The following SLC49A4 variants were observed in gnomAD, a reference collection of about 807,000 sequenced individuals.
SLC49A4 encodes disrupted in renal cancer protein 2.
SLC49A4 carries 36 observed loss-of-function variants against 50.6 expected under a neutral mutation model. The ratio of observed to expected loss-of-function variants is 0.71; its 90% CI spans 0.55 to 0.94. The LOEUF (loss-of-function observed/expected upper bound fraction) is 0.94, where lower values mean the gene tolerates loss of function less well. Among genes scored for constraint, SLC49A4 ranks in the 40% least tolerant of loss-of-function variants. The pLI, the probability that SLC49A4 is intolerant of heterozygous loss-of-function variation, is 0.00. For missense variants in SLC49A4, 503 were observed against 605.7 expected (o/e 0.83, Z 1.78); for synonymous variants, 248 against 241.2 (o/e 1.03, Z -0.26).
intron 5 of SLC49A4, among the ~76,000 whole-genome samples, chr3:122,853,140 T>C (rs1207897470): frequency 1.3e-5 from 2 of 152,214 alleles, no homozygotes; most frequent in African/African-American, 2.4e-5. Flanking sequence ...CATTTATATC[T>C]GGCGAGGGCT....
Position 122,872,344 on chromosome 3 carries a change from A to AC in SLC49A4, c.1139-67dup, listed in dbSNP as rs1200895439. 5 of 1,286,902 alleles carry AC rather than the reference A, an allele frequency of 3.9e-6. No individual in the cohort carries two copies. The East Asian group carries it at 1.2e-4, about 31-fold the overall frequency. 79.7% of individuals were successfully genotyped at this position (1,286,902 alleles called of 1,614,324 possible). A position where few individuals can be genotyped will look rare whatever the true frequency, so the allele number is the denominator to read the frequency against. On this transcript the variant is annotated intron_variant, in intron 7 of 8. Transcript: ENST00000261038. The stretch of plus-strand genomic sequence containing the variant: ...TGAGTCAATACTTAGGAAAGAGAAC[A>AC]CCCCGAAGATCTATCTGATATGACT...
At chr3:122,827,631 A>G (rs977409854) in intron 3 of SLC49A4, among the ~76,000 whole-genome samples, 3 of 152,216 alleles carry the variant, frequency 2.0e-5, no homozygotes, top group Non-Finnish European at 4.4e-5. Flanking sequence ...CTCTTATAGT[A>G]TAGTCTCCTA....
At chr3:122,853,673 T>C (rs888865273) in intron 5 of SLC49A4, among the ~76,000 whole-genome samples, 1 of 152,154 alleles carries the variant, frequency 6.6e-6, no homozygotes, top group Non-Finnish European at 1.5e-5. Context: ...GATGAGAGGA[T>C]CACTTGAGCC....
chr3:122,862,631 G>T lies in SLC49A4; in HGVS notation c.1138+2429G>T, dbSNP rs537042869. Among the ~76,000 whole-genome samples, 12 of 152,306 alleles carry T rather than the reference G, an allele frequency of 7.9e-5. No individual in the cohort carries two copies. In the South Asian group the frequency reaches 2.5e-3, roughly 32 times the overall value. On this transcript the variant is annotated intron_variant, in intron 7 of 8. Transcript: ENST00000261038. ...CTTCTTATTCATGGCATTACATTCAGATTTTTTGTGTGTGATACTGTATGT... is the reference window on the plus strand; with the variant it reads ...CTTCTTATTCATGGCATTACATTCATATTTTTTGTGTGTGATACTGTATGT...
intron 4 of SLC49A4, among the ~76,000 whole-genome samples, chr3:122,843,313 T>C (rs56318711): frequency 0.012 from 1,823 of 152,308 alleles, 27 homozygotes; most frequent in African/African-American, 0.041. Flanking sequence ...TCAGTGAGTT[T>C]ACAACCAGTC....
chr3:122,877,455 A>G (rs1435668362), intron 8 of SLC49A4, among the ~76,000 whole-genome samples: 1 of 152,222 alleles, frequency 6.6e-6, no homozygotes, highest in Admixed American at 6.5e-5. Context: ...AAATGATTTT[A>G]CAATTCTAAT....
At chr3:122,823,833 A>T (rs1052373297) in intron 2 of SLC49A4, among the ~76,000 whole-genome samples, 4 of 152,200 alleles carry the variant, frequency 2.6e-5, no homozygotes, top group Non-Finnish European at 5.9e-5. Flanking sequence ...TCGTAAAATG[A>T]TGTTTGTTAA....
chr3:122,863,568 T>C (rs990748410), intron 7 of SLC49A4, among the ~76,000 whole-genome samples: 1 of 152,232 alleles, frequency 6.6e-6, no homozygotes, highest in African/African-American at 2.4e-5. Context: ...ACCTAATTCC[T>C]TTTAAGTAAA....
intron 1 of SLC49A4, among the ~76,000 whole-genome samples, chr3:122,803,193 A>G (rs1398222075): frequency 1.3e-5 from 2 of 152,184 alleles, no homozygotes; most frequent in Non-Finnish European, 2.9e-5. Flanking sequence ...CCTTAAAAGC[A>G]TGGAGAGAAA....
chr3:122,808,427 G>C (rs1025186686), intron 2 of SLC49A4, among the ~76,000 whole-genome samples: 1 of 152,184 alleles, frequency 6.6e-6, no homozygotes, highest in Admixed American at 6.5e-5. Flanking sequence ...CCTGACAGAA[G>C]TAATGGATGA....
At position 122,868,437 on chromosome 3, in the gene SLC49A4, A is replaced by G. The variant is rs190195263; in HGVS notation, c.1139-3978A>G. ...GTAATTTTAGTATCAGTATTATACA[A>G]AGTTATGGAAATACTTAATGATCAT... is the stretch of plus-strand genomic sequence containing the variant. On this transcript the variant is annotated intron_variant, in intron 7 of 8. Transcript: ENST00000261038. Among the ~76,000 whole-genome samples, 3 of 152,350 alleles carry G rather than the reference A, an allele frequency of 2.0e-5. No homozygotes were observed. The East Asian group carries it at 5.8e-4, about 29-fold the overall frequency.
chr3:122,879,010 C>T (rs1484498672), intron 8 of SLC49A4, among the ~76,000 whole-genome samples: 2 of 151,912 alleles, frequency 1.3e-5, no homozygotes, highest in Admixed American at 6.6e-5. Flanking sequence ...TAACCAAAGT[C>T]AAGGTGGATT....
chr3:122,873,545 CT>C (rs1937222095), intron 8 of SLC49A4, among the ~76,000 whole-genome samples: 1 of 152,194 alleles, frequency 6.6e-6, no homozygotes, highest in Non-Finnish European at 1.5e-5. Context: ...TGGCATAGCA[CT>C]TTCACCCAAC....
chr3:122,869,395 A>G (rs535159209), intron 7 of SLC49A4, among the ~76,000 whole-genome samples: 1 of 152,212 alleles, frequency 6.6e-6, no homozygotes, highest in Admixed American at 6.5e-5. Context: ...ATATTATTAT[A>G]ATACATACAG....
At chr3:122,856,032 C>A (rs1936985027) in intron 5 of SLC49A4, among the ~76,000 whole-genome samples, 1 of 152,122 alleles carries the variant, frequency 6.6e-6, no homozygotes, top group Admixed American at 6.5e-5. Context: ...TATCTTCCAT[C>A]CTTTTCTTAT....
chr3:122,806,881 C>A lies in SLC49A4; in HGVS notation c.368C>A (p.Thr123Lys). The change falls in exon 2 of 9, where the codon ACA becomes AAA. Residue 123 changes from threonine (T) to lysine (K), a missense_variant. Physicochemically the swap from Thr to Lys is moderately conservative, Grantham distance 78. Transcript: ENST00000261038. ...GGTCTCCGGATAACTGTGCTCCTGA[C>A]ATCCTTCCTTATGGTTTTGGGAACT... ...KRGLRITVLLTSFLMVLGTGL... is the reference protein window; with the variant it reads ...KRGLRITVLLKSFLMVLGTGL... The A allele has an allele frequency of 6.2e-7, 1 of 1,609,586 alleles. No homozygotes were observed. Among genetic ancestry groups the A allele is most frequent in the Non-Finnish European group, 8.5e-7 (1 of 1,176,162 alleles).
At chr3:122,836,550 G>C (rs948857971) in intron 4 of SLC49A4, among the ~76,000 whole-genome samples, 8 of 151,888 alleles carry the variant, frequency 5.3e-5, no homozygotes, top group African/African-American at 1.9e-4. Context: ...CTATTGATTG[G>C]AATAGTTTCA....
chr3:122,795,767 C>T (rs921249846), intron 1 of SLC49A4, among the ~76,000 whole-genome samples: 3 of 152,238 alleles, frequency 2.0e-5, no homozygotes, highest in Admixed American at 1.3e-4. Flanking sequence ...CTTTATGCAA[C>T]ACCAGGGATT....
rs924176949 is a variant in SLC49A4, at chr3:122,815,651, T to A, written c.437+8701T>A. On this transcript the variant is annotated intron_variant, in intron 2 of 8. Transcript: ENST00000261038. ...CTTCCTCAATGGAGAAAACTCAAAG[T>A]CCTGTCCAATTAATGCATCCAGCTC... Among the ~76,000 whole-genome samples, 3 of 152,198 alleles carry A rather than the reference T, an allele frequency of 2.0e-5. No homozygotes were observed. In the East Asian group the frequency reaches 5.8e-4, roughly 29 times the overall value.
Sources: allele counts gnomAD v4.1 joint callset (sites outside exome capture counted in the v4.1 genomes callset), GRCh38; gene constraint gnomAD v4.1.1; transcripts MANE v1.5; gene names NCBI Gene and HGNC (gene_info 2026-07-23, HGNC 2026-07-21).